SLC25A40: variants seen among roughly 807,000 people sequenced by gnomAD.
The protein encoded by SLC25A40 is mitochondrial glutathione transporter SLC25A40.
In SLC25A40, 41 loss-of-function variants were observed where a neutral mutation model predicts 46.5. That is an observed-to-expected ratio of 0.88 (90% confidence interval 0.69 to 1.14). The LOEUF (loss-of-function observed/expected upper bound fraction) is 1.14, where lower values mean the gene tolerates loss of function less well. Ranked by LOEUF, SLC25A40 falls within the 50% of genes most tolerant of loss-of-function variation. The probability of loss-of-function intolerance (pLI) is 0.00; values close to 1 mark genes in which losing one functional copy is unlikely to be tolerated. For missense variants in SLC25A40, 386 were observed against 393.6 expected, an observed-to-expected ratio of 0.98 and a Z score of 0.16; for synonymous variants, 126 against 127.5, an observed-to-expected ratio of 0.99 and a Z score of 0.08.
intron 1 of SLC25A40, among the ~76,000 whole-genome samples, chr7:87,873,631 C>T (rs1458948478): frequency 6.6e-6 from 1 of 151,924 alleles, no homozygotes; most frequent in East Asian, 1.9e-4. Context: ...CAGAGTTTCA[C>T]CATGTTGGCC....
intron 5 of SLC25A40, among the ~76,000 whole-genome samples, chr7:87,853,288 A>T (rs1838547912): frequency 6.6e-6 from 1 of 152,248 alleles, no homozygotes; most frequent in African/African-American, 2.4e-5. Context: ...ATCTCTACAC[A>T]TATATCATAA....
At chr7:87,847,218 T>G (rs1305581290) in intron 7 of SLC25A40, 96 bp from the exon 8 acceptor site, 1 of 972,546 alleles carries the variant, frequency 1.0e-6, no homozygotes, top group Non-Finnish European at 1.4e-6. Context: ...GATTTTATAT[T>G]TTAAACTTTT....
intron 2 of SLC25A40, among the ~76,000 whole-genome samples, chr7:87,859,451 T>A (rs71570587): frequency 1.8e-4 from 27 of 151,758 alleles, no homozygotes; most frequent in South Asian, 6.3e-4. Context: ...CAAAAAAAAA[T>A]AATAATAATA....
At chr7:87,872,247 T>C (rs929868301) in intron 1 of SLC25A40, among the ~76,000 whole-genome samples, 2 of 152,208 alleles carry the variant, frequency 1.3e-5, no homozygotes, top group South Asian at 4.1e-4. Context: ...CCTAAAGTTT[T>C]GAGATGCAGC....
intron 1 of SLC25A40, among the ~76,000 whole-genome samples, chr7:87,873,032 C>T (rs958569722): frequency 6.6e-6 from 1 of 152,090 alleles, no homozygotes; most frequent in African/African-American, 2.4e-5. Context: ...CTCCAATTCA[C>T]CAGGATAGTG....
At chr7:87,837,059 G>A (rs749125830) in intron 10 of SLC25A40, 3 of 215,112 alleles carry the variant, frequency 1.4e-5, no homozygotes, top group Admixed American at 5.8e-5. Context: ...TGTACTGAAG[G>A]TTTCTCCTGA....
chr7:87,839,243 T>C (rs1236717666), intron 10 of SLC25A40, among the ~76,000 whole-genome samples: 1 of 151,610 alleles, frequency 6.6e-6, no homozygotes, highest in Non-Finnish European at 1.5e-5. Flanking sequence ...TTTTAATAAG[T>C]TTGTTTGGCA....
At chr7:87,864,392 T>A (rs970176154) in intron 1 of SLC25A40, among the ~76,000 whole-genome samples, 1 of 152,236 alleles carries the variant, frequency 6.6e-6, no homozygotes, top group Admixed American at 6.5e-5. Context: ...AACGGATTAG[T>A]GTAAACTATA....
chr7:87,873,826 T>C (rs1838931300), intron 1 of SLC25A40, among the ~76,000 whole-genome samples: 1 of 152,212 alleles, frequency 6.6e-6, no homozygotes, highest in Non-Finnish European at 1.5e-5. Flanking sequence ...CACATATTCA[T>C]TTAATTAGAT....
chr7:87,872,680 G>A (rs531651196), intron 1 of SLC25A40, among the ~76,000 whole-genome samples: 4 of 152,334 alleles, frequency 2.6e-5, no homozygotes, highest in South Asian at 4.1e-4. Flanking sequence ...ATTAAATGCA[G>A]GCTGGGCACA....
At chr7:87,874,647 A>C (rs1838950738) in intron 1 of SLC25A40, among the ~76,000 whole-genome samples, 1 of 152,210 alleles carries the variant, frequency 6.6e-6, no homozygotes, top group Non-Finnish European at 1.5e-5. Context: ...GTAATTATGG[A>C]GCTCTTAAGG....
At chr7:87,864,360 T>C (rs1838755328) in intron 1 of SLC25A40, among the ~76,000 whole-genome samples, 1 of 152,264 alleles carries the variant, frequency 6.6e-6, no homozygotes, top group South Asian at 2.1e-4. Context: ...AATTATTGTC[T>C]ACTAGCTATT....
chr7:87,875,547 A>AT (rs544988228), intron 1 of SLC25A40, among the ~76,000 whole-genome samples: 5,138 of 143,486 alleles, frequency 0.036, 159 homozygotes, highest in Admixed American at 0.082. Flanking sequence ...GAAGAAACAG[A>AT]TTTTTTTTTT....
intron 1 of SLC25A40, among the ~76,000 whole-genome samples, chr7:87,870,161 TATA>T (rs1309166183): frequency 6.6e-6 from 1 of 151,636 alleles, no homozygotes; most frequent in Non-Finnish European, 1.5e-5. Flanking sequence ...CTTATTGAGT[TATA>T]ATAATTCTTC....
intron 8 of SLC25A40, 88 bp downstream of exon 8, chr7:87,846,861 G>T: frequency 1.8e-6 from 2 of 1,125,276 alleles, no homozygotes; most frequent in African/African-American, 1.6e-5. Context: ...TACCTTTAAT[G>T]GTAAAGAGTT....
intron 4 of SLC25A40, 152 bp from the exon 5 acceptor site, chr7:87,854,462 G>C: frequency 1.7e-6 from 1 of 586,916 alleles, no homozygotes; most frequent in Non-Finnish European, 3.0e-6. Flanking sequence ...TACTTTTTAG[G>C]ATGAAACAGA....
Position 87,843,780 on chromosome 7 carries a change from AG to A in SLC25A40, c.714del (p.Phe239LeufsTer20). The A allele has an allele frequency of 6.2e-7, 1 of 1,610,454 alleles. No individual in the cohort carries two copies. Among genetic ancestry groups the A allele is most frequent in the Non-Finnish European group, 8.5e-7 (1 of 1,177,666 alleles). ...GAACCAGACAATGCCCCTGAAGTAA[AG>A]TTGATCATAAATGTTGGCTCATATA... ...SGLYEPTFMI[N>X]FTSGALSGSF... is the part of the protein sequence containing the mutation. On this transcript the variant is annotated frameshift_variant, in exon 9 of 12. Coordinates refer to ENST00000341119, the MANE Select transcript of SLC25A40 (RefSeq NM_018843.4). LOFTEE classifies it high-confidence loss of function.
intron 5 of SLC25A40, 45 bp from the exon 6 acceptor site, chr7:87,849,993 C>A (rs1434072585): frequency 1.6e-6 from 2 of 1,233,598 alleles, no homozygotes; most frequent in Admixed American, 2.3e-5. Context: ...TATCTTTAAA[C>A]CTTTTATACA....
chr7:87,875,111 C>A (rs1162552162), intron 1 of SLC25A40, among the ~76,000 whole-genome samples: 1 of 152,202 alleles, frequency 6.6e-6, no homozygotes, highest in East Asian at 1.9e-4. Flanking sequence ...GATCTGTTAA[C>A]CTCTAATGAA....
Sources: allele counts gnomAD v4.1 joint callset (sites outside exome capture counted in the v4.1 genomes callset), GRCh38; gene constraint gnomAD v4.1.1; transcripts MANE v1.5; gene names NCBI Gene and HGNC (gene_info 2026-07-23, HGNC 2026-07-21).